The following AGBL4 variants were observed in gnomAD, a reference collection of about 807,000 sequenced individuals.
AGBL4 encodes cytosolic carboxypeptidase 6.
AGBL4 carries 58 observed loss-of-function variants against 66.4 expected under a neutral mutation model. The ratio of observed to expected loss-of-function variants is 0.87; its 90% CI spans 0.71 to 1.09. The LOEUF (loss-of-function observed/expected upper bound fraction) is 1.09, where lower values mean the gene tolerates loss of function less well. Ranked by LOEUF, AGBL4 falls within the 50% of genes least tolerant of loss-of-function variation. AGBL4 has a pLI of 0.00. For missense variants in AGBL4, 579 were observed against 631.0 expected, an observed-to-expected ratio of 0.92 and a Z score of 0.88; for synonymous variants, 234 against 222.9, an observed-to-expected ratio of 1.05 and a Z score of -0.44.
chr1:48,580,306 A>G (rs1235378566), intron 11 of AGBL4, among the ~76,000 whole-genome samples: 1 of 152,224 alleles, frequency 6.6e-6, no homozygotes, highest in Non-Finnish European at 1.5e-5. Flanking sequence ...GTCTCATGAG[A>G]GTACTAGTCC....
intron 1 of AGBL4, among the ~76,000 whole-genome samples, chr1:49,998,661 G>T (rs1660529590): frequency 6.6e-6 from 1 of 152,128 alleles, no homozygotes; most frequent in Non-Finnish European, 1.5e-5. Context: ...CATCCCTGAT[G>T]AACACAGATG....
At chr1:49,036,510 T>C (rs760059527) in intron 5 of AGBL4, among the ~76,000 whole-genome samples, 8 of 152,054 alleles carry the variant, frequency 5.3e-5, no homozygotes, top group Non-Finnish European at 1.0e-4. Flanking sequence ...AGAGATTAGT[T>C]TGGAGAAGAG....
intron 3 of AGBL4, among the ~76,000 whole-genome samples, chr1:49,406,998 G>T (rs1464893883): frequency 6.9e-6 from 1 of 145,956 alleles, no homozygotes; most frequent in African/African-American, 2.6e-5. Context: ...CCGGGAGGTG[G>T]AGCTTGCAGT....
chr1:49,128,358 T>A (rs1187045868), intron 4 of AGBL4, among the ~76,000 whole-genome samples: 1 of 152,096 alleles, frequency 6.6e-6, no homozygotes, highest in Non-Finnish European at 1.5e-5. Flanking sequence ...TTGATAAATT[T>A]ACTCTGTAAT....
At position 48,740,884 on chromosome 1, in the gene AGBL4, T is replaced by C. The variant is rs1047435500; in HGVS notation, c.635-77643A>G. On this transcript the variant is annotated intron_variant, in intron 6 of 13. Coordinates refer to ENST00000371839, the MANE Select transcript of AGBL4 (RefSeq NM_032785.4). The stretch of plus-strand genomic sequence containing the variant: ...CCTTTCCTCTGCATTTAAAACTCTC[T>C]CTGCCTGACTACCAATTAGGTGCAA... Among the ~76,000 whole-genome samples the C allele has an allele frequency of 5.3e-5, 8 of 152,336 alleles. No individual in the cohort carries two copies. In the East Asian group the frequency reaches 5.8e-4, roughly 11 times the overall value.
chr1:49,637,914 T>G (rs1010837375), intron 3 of AGBL4, among the ~76,000 whole-genome samples: 9 of 151,934 alleles, frequency 5.9e-5, no homozygotes, highest in African/African-American at 1.7e-4. Context: ...AAGAAAGAAA[T>G]AATGGCCAAT....
intron 1 of AGBL4, among the ~76,000 whole-genome samples, chr1:49,956,220 T>C (rs1269001043): frequency 1.3e-5 from 2 of 151,350 alleles, no homozygotes; most frequent in Admixed American, 1.3e-4. Flanking sequence ...CTTCAAGGAG[T>C]TTACAACCTA....
At chr1:49,562,850 T>C (rs1571045186) in intron 3 of AGBL4, among the ~76,000 whole-genome samples, 1 of 152,024 alleles carries the variant, frequency 6.6e-6, no homozygotes, top group East Asian at 1.9e-4. Flanking sequence ...GTGAAGAAAG[T>C]CATTGGCAGC....
intron 5 of AGBL4, among the ~76,000 whole-genome samples, chr1:49,026,531 C>T (rs529882634): frequency 2.0e-5 from 3 of 152,278 alleles, no homozygotes; most frequent in East Asian, 1.9e-4. Context: ...GGCATTTGCA[C>T]TGGGCCAAAT....
At chr1:48,718,760 C>T (rs1647094421) in intron 6 of AGBL4, among the ~76,000 whole-genome samples, 1 of 152,100 alleles carries the variant, frequency 6.6e-6, no homozygotes, top group Admixed American at 6.5e-5. Context: ...CCTTTGCACA[C>T]ATATTATAAT....
intron 2 of AGBL4, among the ~76,000 whole-genome samples, chr1:49,709,322 C>T (rs150960323): frequency 1.1e-4 from 16 of 152,154 alleles, no homozygotes; most frequent in African/African-American, 3.6e-4. Flanking sequence ...TGGGCTCTGC[C>T]CAGTCTGAAC....
At chr1:49,377,328 T>G (rs1644492347) in intron 3 of AGBL4, among the ~76,000 whole-genome samples, 1 of 152,112 alleles carries the variant, frequency 6.6e-6, no homozygotes, top group African/African-American at 2.4e-5. Context: ...CTTATCTCTT[T>G]TAATTCTTCC....
chr1:49,043,256 A>G (rs1253937348), intron 5 of AGBL4, among the ~76,000 whole-genome samples: 1 of 152,132 alleles, frequency 6.6e-6, no homozygotes, highest in Non-Finnish European at 1.5e-5. Context: ...ATCTGTATGA[A>G]TCACATAAAT....
intron 1 of AGBL4, among the ~76,000 whole-genome samples, chr1:49,855,500 G>A (rs1039860229): frequency 1.2e-4 from 18 of 152,054 alleles, no homozygotes; most frequent in Admixed American, 8.5e-4. Flanking sequence ...TCATATGTTC[G>A]GTCACAAAAC....
At chr1:49,174,877 A>G (rs1646803449) in intron 4 of AGBL4, 2 of 152,128 alleles carry the variant, frequency 1.3e-5, no homozygotes, top group Non-Finnish European at 2.9e-5. Context: ...TGAAGTCACC[A>G]TGCCCATTAA....
At chr1:49,291,239 T>C (rs974357095) in intron 3 of AGBL4, among the ~76,000 whole-genome samples, 1 of 152,188 alleles carries the variant, frequency 6.6e-6, no homozygotes, top group African/African-American at 2.4e-5. Flanking sequence ...CATTGATAAA[T>C]TCACCCATTC....
chr1:49,525,384 A>C (rs1650577922), intron 3 of AGBL4, among the ~76,000 whole-genome samples: 3 of 152,106 alleles, frequency 2.0e-5, no homozygotes, highest in Admixed American at 1.3e-4. Flanking sequence ...TGACAAGAAG[A>C]AGCCATGAGA....
intron 4 of AGBL4, among the ~76,000 whole-genome samples, chr1:49,164,792 C>T (rs1317088416): frequency 6.6e-6 from 1 of 152,150 alleles, no homozygotes; most frequent in African/African-American, 2.4e-5. Flanking sequence ...TCACTATGCC[C>T]ACTCACTTGT....
intron 1 of AGBL4, among the ~76,000 whole-genome samples, chr1:49,923,050 G>A (rs892982324): frequency 2.6e-5 from 4 of 152,236 alleles, no homozygotes; most frequent in East Asian, 1.9e-4. Context: ...GAGGCATCAC[G>A]CTACTCGACT....
Sources: gnomAD v4.1 joint callset for allele counts (sites outside exome capture counted in the v4.1 genomes callset) on GRCh38, gnomAD v4.1.1 for gene constraint, MANE v1.5 for transcripts, NCBI Gene and HGNC (gene_info 2026-07-23, HGNC 2026-07-21) for gene names.